DPP6: variants seen among roughly 807,000 people sequenced by gnomAD.
DPP6 encodes the protein A-type potassium channel modulatory protein DPP6.
Under a neutral mutation model 122.6 loss-of-function variants are expected in DPP6, and 69 were observed. The observed-to-expected ratio is 0.56, with a 90% CI of 0.46 to 0.69. The LOEUF (loss-of-function observed/expected upper bound fraction) is 0.69. Among genes scored for constraint, DPP6 ranks in the 30% least tolerant of loss-of-function variants. The pLI is 0.00. For synonymous variants in DPP6, 418 were observed against 433.1 expected, an observed-to-expected ratio of 0.97 and a Z score of 0.43; for missense variants, 928 against 1,116.9, an observed-to-expected ratio of 0.83 and a Z score of 2.41.
intron 1 of DPP6, among the ~76,000 whole-genome samples, chr7:154,266,449 C>T (rs768528678): frequency 5.3e-5 from 8 of 152,106 alleles, no homozygotes; most frequent in Non-Finnish European, 8.8e-5. Flanking sequence ...TGTGGTGGTG[C>T]ACACCTGTAA....
intron 8 of DPP6, among the ~76,000 whole-genome samples, chr7:154,733,542 A>C (rs1158948439): frequency 1.3e-5 from 2 of 152,246 alleles, no homozygotes; most frequent in African/African-American, 4.8e-5. Flanking sequence ...AAGAGGTACC[A>C]GCAAAAGGTC....
chr7:153,953,779 TACAC>T (rs1235121789), intron 1 of DPP6, among the ~76,000 whole-genome samples: 1 of 151,910 alleles, frequency 6.6e-6, no homozygotes, highest in Non-Finnish European at 1.5e-5. Flanking sequence ...GACACACACA[TACAC>T]ACAAAGAAAC....
chr7:154,241,188 T>C lies in DPP6; in HGVS notation c.243+188125T>C, dbSNP rs4726391. Among the ~76,000 whole-genome samples, 4,021 of 23,428 alleles carry C rather than the reference T, an allele frequency of 0.17. 168 individuals carry two copies. The highest frequency in any genetic ancestry group is 0.31 in the African/African-American group (3,531 of 11,442). The allele number at this position is 23,428 out of a possible 152,430, so 15.4% of individuals were successfully genotyped here. A position where few individuals can be genotyped will look rare whatever the true frequency, so the allele number is the denominator to read the frequency against. The stretch of plus-strand genomic sequence containing the variant: ...CAGTAGGTAATTCAATATCAATATG[T>C]GTGTGTGTGTGTGTGTGTGTGTGTG... On this transcript the variant is annotated intron_variant, in intron 1 of 25. Coordinates refer to ENST00000377770, the MANE Select transcript of DPP6 (RefSeq NM_130797.4). The surrounding 1 kb of genome is among the most constrained non-coding windows in gnomAD (Gnocchi z 9.0).
intron 13 of DPP6, among the ~76,000 whole-genome samples, chr7:154,802,698 A>C (rs978506203): frequency 1.3e-5 from 2 of 152,174 alleles, no homozygotes; most frequent in African/African-American, 4.8e-5. Context: ...TTAGCTGGGC[A>C]TGGTGGCACC....
intron 16 of DPP6, among the ~76,000 whole-genome samples, chr7:154,845,971 G>A (rs978468770): frequency 3.3e-5 from 5 of 151,646 alleles, no homozygotes; most frequent in Admixed American, 6.6e-5. Flanking sequence ...AATGGGATGC[G>A]TCTTGGCCAA....
intron 2 of DPP6, among the ~76,000 whole-genome samples, chr7:154,459,159 A>G (rs1821052559): frequency 6.6e-6 from 1 of 152,190 alleles, no homozygotes. Context: ...GAAGCCAATG[A>G]AATTCAGATT....
At chr7:154,611,853 ATATGTGTG>A (rs3079838) in intron 5 of DPP6, among the ~76,000 whole-genome samples, 60,278 of 147,822 alleles carry the variant, frequency 0.41, 12,839 homozygotes, top group East Asian at 0.64. Flanking sequence ...TTGCTTTCAT[ATATGTGTG>A]TGTGTGTGTG....
At chr7:154,591,224 T>A (rs1010525706) in intron 5 of DPP6, among the ~76,000 whole-genome samples, 1 of 152,214 alleles carries the variant, frequency 6.6e-6, no homozygotes, top group Admixed American at 6.5e-5. Context: ...GATTCTTTAA[T>A]TCACCCACAA....
chr7:153,824,822 C>T, the DPP6 span, among the ~76,000 whole-genome samples: 2 of 152,112 alleles, frequency 1.3e-5, no homozygotes, highest in South Asian at 2.1e-4. Flanking sequence ...TTTGGCAATA[C>T]GATTCCTCAA....
chr7:154,032,513 T>C (rs1175259794), intron 1 of DPP6, among the ~76,000 whole-genome samples: 1 of 152,206 alleles, frequency 6.6e-6, no homozygotes, highest in Non-Finnish European at 1.5e-5. Context: ...CAGACAGCCA[T>C]TTCCCTGATG....
At chr7:154,852,253 T>G (rs10282427) in intron 16 of DPP6, among the ~76,000 whole-genome samples, 3,141 of 152,118 alleles carry the variant, frequency 0.021, 88 homozygotes, top group African/African-American at 0.068. Context: ...ACTCCACCCA[T>G]CCCCCTGCCC....
At chr7:154,752,806 C>T (rs143525524) in intron 8 of DPP6, among the ~76,000 whole-genome samples, 2,778 of 152,326 alleles carry the variant, frequency 0.018, 48 homozygotes, top group Non-Finnish European at 0.029. Flanking sequence ...GGGTGAGCTG[C>T]AGCTGTTGGC....
chr7:154,301,974 C>T (rs969404102), intron 1 of DPP6, among the ~76,000 whole-genome samples: 3 of 151,846 alleles, frequency 2.0e-5, no homozygotes, highest in African/African-American at 7.3e-5. Context: ...CGTGACACCA[C>T]GCCCGGCTAA....
chr7:154,380,849 G>A (rs1224387965), intron 1 of DPP6, among the ~76,000 whole-genome samples: 1 of 152,164 alleles, frequency 6.6e-6, no homozygotes, highest in African/African-American at 2.4e-5. Flanking sequence ...CCAGTTCTGG[G>A]CACAACTTGC....
At chr7:154,142,534 T>C (rs1435867422) in intron 1 of DPP6, among the ~76,000 whole-genome samples, 2 of 152,174 alleles carry the variant, frequency 1.3e-5, no homozygotes, top group African/African-American at 4.8e-5. Context: ...CATTTATTCA[T>C]TGCATCCCAT....
At chr7:154,440,788 C>T (rs1819308686) in intron 1 of DPP6, among the ~76,000 whole-genome samples, 1 of 152,202 alleles carries the variant, frequency 6.6e-6, no homozygotes, top group Non-Finnish European at 1.5e-5. Context: ...GTTGACCCCT[C>T]TGCCTTTAGC....
At chr7:154,496,096 G>T (rs1283215934) in intron 3 of DPP6, among the ~76,000 whole-genome samples, 2 of 152,188 alleles carry the variant, frequency 1.3e-5, no homozygotes, top group East Asian at 3.8e-4. Context: ...AATATCTTAA[G>T]AGTTGGAGGT....
chr7:154,293,634 C>A (rs1805347973), intron 1 of DPP6, among the ~76,000 whole-genome samples: 1 of 152,166 alleles, frequency 6.6e-6, no homozygotes. Context: ...GGGCGACATA[C>A]ATAAATGTTT....
intron 1 of DPP6, among the ~76,000 whole-genome samples, chr7:154,146,628 T>C (rs556720205): frequency 6.6e-6 from 1 of 152,392 alleles, no homozygotes; most frequent in Admixed American, 6.5e-5. Context: ...CATGTTGCCA[T>C]CAGCAAATGA....
Sources: gnomAD v4.1 joint callset for allele counts (sites outside exome capture counted in the v4.1 genomes callset) on GRCh38, gnomAD v4.1.1 for gene constraint, Gnocchi (gnomAD v3.1) non-coding constraint, MANE v1.5 for transcripts, NCBI Gene and HGNC (gene_info 2026-07-23, HGNC 2026-07-21) for gene names.